The following RASEF variants were observed in gnomAD, a reference collection of about 807,000 sequenced individuals.
The protein encoded by RASEF is ras and EF-hand domain-containing protein.
RASEF carries 68 observed loss-of-function variants against 90.1 expected under a neutral mutation model. That is an observed-to-expected ratio of 0.75 (90% CI 0.62 to 0.92). RASEF has a LOEUF of 0.92. RASEF is among the 40% of genes least tolerant of loss of function. The pLI is 0.00. For missense variants in RASEF, 949 were observed against 937.2 expected, an observed-to-expected ratio of 1.01 and a Z score of -0.16; for synonymous variants, 331 against 345.2, an observed-to-expected ratio of 0.96 and a Z score of 0.46.
intron 1 of RASEF, among the ~76,000 whole-genome samples, chr9:83,043,109 C>T (rs1242709887): frequency 6.6e-6 from 1 of 152,208 alleles, no homozygotes; most frequent in African/African-American, 2.4e-5. Context: ...TGCCCATGTC[C>T]ATATGCTTAC....
In RASEF at chr9:82,980,335, C is replaced by G. The variant is rs1828575795; in HGVS notation, c.*2342G>C. On this transcript the variant is annotated 3_prime_UTR_variant, in exon 17 of 17. Coordinates refer to ENST00000376447, the MANE Select transcript of RASEF (RefSeq NM_152573.4). ...TAATAATCATGAATCTCCCAGCATA[C>G]AGAGCTTTAAGAAGCTTCTCTTTAA... 6.6e-6 allele frequency: 1 copy of G among 152,164 alleles called. No individual in the cohort carries two copies. The highest frequency in any genetic ancestry group is 2.1e-4 in the South Asian group (1 of 4,828). The allele number at this position is 152,164 out of a possible 1,614,324, so 9.4% of individuals were successfully genotyped here. A position where few individuals can be genotyped will look rare whatever the true frequency, so the allele number is the denominator to read the frequency against.
chr9:82,985,293 G>A (rs764526552), intron 16 of RASEF, among the ~76,000 whole-genome samples: 45 of 152,194 alleles, frequency 3.0e-4, no homozygotes, highest in Non-Finnish European at 5.6e-4. Context: ...GTGGCAGCAA[G>A]AGAAAAACGA....
At chr9:83,148,258 A>T in the RASEF span, among the ~76,000 whole-genome samples, 3 of 152,102 alleles carry the variant, frequency 2.0e-5, no homozygotes, top group African/African-American at 7.2e-5. Flanking sequence ...ATCATGTGAG[A>T]TATGTGTTAT....
chr9:83,062,739 C>T lies in RASEF; in HGVS notation c.129G>A (p.Arg43=), dbSNP rs1830236132. The T allele has an allele frequency of 6.4e-7, 1 of 1,569,060 alleles. No individual in the cohort carries two copies. The highest frequency in any genetic ancestry group is 1.8e-5 in the Admixed American group (1 of 56,170). Residue 43 remains arginine, a synonymous_variant, in exon 1 of 17, where the codon CGG becomes CGA. Transcript: ENST00000376447. ...GGAATACTGCCTCGGCGTCGGCCGGCCGCACCCGCAGCTCCGTGCACAGTG... is the reference window on the plus strand; with the variant it reads ...GGAATACTGCCTCGGCGTCGGCCGGTCGCACCCGCAGCTCCGTGCACAGTG... ...FRALCTELRV[R]PADAEAVFQR... is the part of the protein sequence containing the mutation.
At chr9:83,107,355 C>T in the RASEF span, among the ~76,000 whole-genome samples, 2 of 152,186 alleles carry the variant, frequency 1.3e-5, no homozygotes, top group African/African-American at 2.4e-5. Context: ...ATTGTTCCAT[C>T]TCAAATGAAT....
chr9:83,182,381 T>C, the RASEF span, among the ~76,000 whole-genome samples: 4 of 152,186 alleles, frequency 2.6e-5, no homozygotes, highest in African/African-American at 9.7e-5. Context: ...TGGCACCACA[T>C]CAGAAGTGTT....
the RASEF span, among the ~76,000 whole-genome samples, chr9:83,080,751 A>G: frequency 4.6e-5 from 7 of 152,206 alleles, no homozygotes; most frequent in Non-Finnish European, 8.8e-5. Context: ...AAATTCTGGT[A>G]TCTCATTAGG....
the RASEF span, among the ~76,000 whole-genome samples, chr9:83,101,503 A>G: frequency 6.6e-6 from 1 of 152,340 alleles, no homozygotes; most frequent in South Asian, 2.1e-4. Context: ...TACTTGAACA[A>G]TATTTTTATT....
intron 1 of RASEF, among the ~76,000 whole-genome samples, chr9:83,059,255 C>T (rs1234407790): frequency 7.1e-6 from 1 of 141,218 alleles, no homozygotes; most frequent in Non-Finnish European, 1.5e-5. Flanking sequence ...CTCAGCCATC[C>T]ATCAAATGCT....
chr9:83,118,764 T>C, the RASEF span, among the ~76,000 whole-genome samples: 8 of 152,176 alleles, frequency 5.3e-5, no homozygotes, highest in Non-Finnish European at 8.8e-5. Flanking sequence ...CCTTTGCTTA[T>C]CACTAAGCCA....
At chr9:83,188,865 C>T in the RASEF span, among the ~76,000 whole-genome samples, 1 of 152,190 alleles carries the variant, frequency 6.6e-6, no homozygotes, top group African/African-American at 2.4e-5. Context: ...AGCTCAAGGT[C>T]TTCCATATCT....
At chr9:83,168,108 C>A in the RASEF span, among the ~76,000 whole-genome samples, 1 of 152,082 alleles carries the variant, frequency 6.6e-6, no homozygotes, top group African/African-American at 2.4e-5. Flanking sequence ...AGAAGGGGCA[C>A]CAGAATTCCT....
chr9:83,159,185 CAA>C, the RASEF span, among the ~76,000 whole-genome samples: 1,313 of 103,296 alleles, frequency 0.013, 16 homozygotes, highest in African/African-American at 0.038. Context: ...GACTCCGTCT[CAA>C]AAAAAAAAAA....
intron 1 of RASEF, among the ~76,000 whole-genome samples, chr9:83,052,328 G>T (rs1475286324): frequency 7.4e-6 from 1 of 135,144 alleles, no homozygotes; most frequent in Non-Finnish European, 1.5e-5. Flanking sequence ...TAGTTTATTT[G>T]CGTAGAGGTG....
the RASEF span, among the ~76,000 whole-genome samples, chr9:83,217,585 T>G: frequency 6.6e-6 from 1 of 152,172 alleles, no homozygotes; most frequent in Non-Finnish European, 1.5e-5. Context: ...CCAGTTCCCT[T>G]GCACACACTC....
the RASEF span, among the ~76,000 whole-genome samples, chr9:83,147,028 G>GTATATATATATATATATATA: frequency 6.4e-5 from 2 of 31,338 alleles, no homozygotes; most frequent in Admixed American, 3.9e-4. Context: ...GTGTGTGTGT[G>GTATATATATATATATATATA]TATATATATA....
At chr9:83,207,418 C>T in the RASEF span, among the ~76,000 whole-genome samples, 1 of 152,158 alleles carries the variant, frequency 6.6e-6, no homozygotes, top group African/African-American at 2.4e-5. Context: ...TGCTGCCCTG[C>T]ATATACCATG....
At chr9:83,139,953 G>T in the RASEF span, among the ~76,000 whole-genome samples, 1 of 152,030 alleles carries the variant, frequency 6.6e-6, no homozygotes, top group African/African-American at 2.4e-5. Context: ...TCACAATAGC[G>T]GTGGAAACTA....
At position 83,001,113 on chromosome 9, in the gene RASEF, T is replaced by G. The variant is rs778770866; in HGVS notation, c.1220A>C (p.Tyr407Ser). 1.9e-6 allele frequency: 3 copies of G among 1,612,914 alleles called. No homozygotes were observed. The South Asian group carries it at 3.3e-5, about 18-fold the overall frequency. Reference sequence around the variant, plus strand: ...CAGGGAGTCACAGTCCTCATCCACATAGGAAGAGCGGGATGACCTGGTAAT... The same window carrying G: ...CAGGGAGTCACAGTCCTCATCCACAGAGGAAGAGCGGGATGACCTGGTAAT... ...LGYDRSSRSS[Y>S]VDEDCDSLAL... Residue 407 changes from tyrosine to serine, a missense_variant, in exon 10 of 17, where the codon TAT becomes TCT. This residue lies in a region of RASEF where 656 missense variants were observed against 592.2 expected (regional missense o/e 1.11). Coordinates refer to ENST00000376447, the MANE Select transcript of RASEF (RefSeq NM_152573.4).
Sources: gnomAD v4.1 joint callset for allele counts (sites outside exome capture counted in the v4.1 genomes callset) on GRCh38, gnomAD v4.1.1 for gene constraint, gnomAD v4.1.1 regional missense constraint, MANE v1.5 for transcripts, NCBI Gene and HGNC (gene_info 2026-07-23, HGNC 2026-07-21) for gene names.